Variants in DIAPH3 observed in about 807,000 individuals in gnomAD.
DIAPH3 encodes the protein diaphanous related formin 3.
In DIAPH3, 117 loss-of-function variants were observed where a neutral mutation model predicts 144.3. The ratio of observed to expected loss-of-function variants is 0.81; its 90% CI spans 0.70 to 0.95. The LOEUF (loss-of-function observed/expected upper bound fraction) is 0.95, where lower values mean the gene tolerates loss of function less well. Ranked by LOEUF, DIAPH3 falls within the 40% of genes least tolerant of loss-of-function variation. The pLI is 0.00. For synonymous variants in DIAPH3, 519 were observed against 488.9 expected, an observed-to-expected ratio of 1.06 and a Z score of -0.81; for missense variants, 1,421 against 1,412.7, an observed-to-expected ratio of 1.01 and a Z score of -0.09.
chr13:60,115,859 C>A lies in DIAPH3; in HGVS notation c.214-3673G>T, dbSNP rs941493436. On this transcript the variant is annotated intron_variant, in intron 2 of 27. Transcript: ENST00000400324. ...CTCCAATATATTTCTTTGAAAAAAA[C>A]CTGTGTGTAAGGGGATCTGGGCAGT... is the stretch of plus-strand genomic sequence containing the variant. Among the ~76,000 whole-genome samples, 4 of 151,752 alleles carry A rather than the reference C, an allele frequency of 2.6e-5. No homozygotes were observed. The East Asian group carries it at 5.8e-4, about 22-fold the overall frequency.
chr13:60,099,381 C>T (rs2058198846), intron 3 of DIAPH3, among the ~76,000 whole-genome samples: 1 of 152,186 alleles, frequency 6.6e-6, no homozygotes, highest in African/African-American at 2.4e-5. Flanking sequence ...CACAGATGCA[C>T]ATTTTGTAGA....
intron 17 of DIAPH3, among the ~76,000 whole-genome samples, chr13:59,937,830 A>G (rs1477603022): frequency 6.6e-6 from 1 of 152,118 alleles, no homozygotes. Context: ...ACGGGAAGCA[A>G]AAAAAGAAAG....
intron 27 of DIAPH3, among the ~76,000 whole-genome samples, chr13:59,722,629 C>G (rs1251505755): frequency 6.6e-6 from 1 of 152,116 alleles, no homozygotes; most frequent in Non-Finnish European, 1.5e-5. Flanking sequence ...TACTAAAAGG[C>G]AGAAAGATAG....
chr13:59,932,674 G>C (rs2048078231), intron 17 of DIAPH3, among the ~76,000 whole-genome samples: 1 of 152,060 alleles, frequency 6.6e-6, no homozygotes, highest in African/African-American at 2.4e-5. Flanking sequence ...GCATACTCAG[G>C]ATGGTGAGTA....
intron 17 of DIAPH3, among the ~76,000 whole-genome samples, chr13:59,959,766 T>C (rs376761357): frequency 3.3e-5 from 5 of 152,176 alleles, no homozygotes; most frequent in South Asian, 2.1e-4. Context: ...ACTGGACTTA[T>C]ATAGAATTAG....
At chr13:59,980,741 C>T (rs2050949381) in intron 14 of DIAPH3, 54 bp downstream of exon 14, 1 of 1,471,484 alleles carries the variant, frequency 6.8e-7, no homozygotes, top group African/African-American at 1.4e-5. Context: ...GAGGCAGAAG[C>T]ATGCCTGCAG....
At chr13:59,991,563 T>C (rs981552726) in intron 11 of DIAPH3, among the ~76,000 whole-genome samples, 3 of 151,894 alleles carry the variant, frequency 2.0e-5, no homozygotes, top group African/African-American at 7.2e-5. Flanking sequence ...ATGAATACTG[T>C]GTTGAATTCT....
chr13:59,992,089 T>C lies in DIAPH3; in HGVS notation c.1223A>G (p.Glu408Gly), dbSNP rs567413362. 1 of 1,611,824 alleles carries C rather than the reference T, an allele frequency of 6.2e-7. No homozygotes were observed. The highest frequency in any genetic ancestry group is 2.2e-5 in the East Asian group (1 of 44,682). ...ATATTCAAGTTCAGCTCTAATATCT[T>C]CAAGGCGATGGGATAACTCAAACAA... is the stretch of plus-strand genomic sequence containing the variant. ...EDLFELSHRLEDIRAELDEAY... is the reference protein window; with the variant it reads ...EDLFELSHRLGDIRAELDEAY... The change falls in exon 11 of 28, where the codon GAA (glutamate) becomes GGA (glycine). Residue 408 changes from glutamate to glycine, a missense_variant. Physicochemically the swap from Glu to Gly is moderately conservative, Grantham distance 98 (BLOSUM62 -2). Coordinates refer to ENST00000400324, the MANE Select transcript of DIAPH3 (RefSeq NM_001042517.2).
chr13:59,780,088 T>C (rs1257905845), intron 25 of DIAPH3, among the ~76,000 whole-genome samples: 1 of 151,604 alleles, frequency 6.6e-6, no homozygotes, highest in Non-Finnish European at 1.5e-5. Context: ...GCCAGGATGT[T>C]ACTAGGCACC....
chr13:59,759,254 C>T (rs2037449138), intron 27 of DIAPH3, among the ~76,000 whole-genome samples: 1 of 152,054 alleles, frequency 6.6e-6, no homozygotes, highest in South Asian at 2.1e-4. Flanking sequence ...ACCATATGGG[C>T]CTACAACACA....
chr13:59,822,183 A>G (rs2041107441), intron 24 of DIAPH3, among the ~76,000 whole-genome samples: 1 of 152,170 alleles, frequency 6.6e-6, no homozygotes. Flanking sequence ...TTTTTCCCAA[A>G]GTATAATTTG....
At chr13:59,801,698 G>A (rs1172694496) in intron 25 of DIAPH3, among the ~76,000 whole-genome samples, 1 of 152,102 alleles carries the variant, frequency 6.6e-6, no homozygotes, top group African/African-American at 2.4e-5. Flanking sequence ...CTGTGTTAAG[G>A]CTGCCCTCAT....
intron 27 of DIAPH3, among the ~76,000 whole-genome samples, chr13:59,693,832 A>G (rs1388188458): frequency 6.6e-6 from 1 of 152,186 alleles, no homozygotes; most frequent in Non-Finnish European, 1.5e-5. Flanking sequence ...GATCCTTATA[A>G]TCCTCATTTA....
intron 22 of DIAPH3, among the ~76,000 whole-genome samples, chr13:59,843,229 G>A (rs889314662): frequency 7.2e-5 from 11 of 152,252 alleles, no homozygotes; most frequent in Middle Eastern, 3.4e-3. Flanking sequence ...TCATTGTACC[G>A]TATGGATATA....
At chr13:59,936,753 T>C (rs934886836) in intron 17 of DIAPH3, among the ~76,000 whole-genome samples, 5 of 152,184 alleles carry the variant, frequency 3.3e-5, no homozygotes, top group African/African-American at 1.2e-4. Flanking sequence ...CCATAAATTT[T>C]TATGTGCCCT....
chr13:59,701,518 C>T (rs534261530), intron 27 of DIAPH3, among the ~76,000 whole-genome samples: 2 of 152,182 alleles, frequency 1.3e-5, no homozygotes, highest in African/African-American at 4.8e-5. Flanking sequence ...GTATTCCCAG[C>T]ACGTCATATA....
At position 59,970,966 on chromosome 13, in the gene DIAPH3, G is replaced by A. The variant is rs2050331544; in HGVS notation, c.1845C>T (p.Pro615=). 1.9e-6 allele frequency: 3 copies of A among 1,613,950 alleles called. No individual in the cohort carries two copies. The highest frequency in any genetic ancestry group is 1.7e-5 in the Admixed American group (1 of 60,000). ...PFSGPVPPPP[P]LGFLGGQNSP... ...AATTTTGTCCTCCAAGGAATCCCAG[G>A]GGAGGTGGTGGAGGCACAGGACCAC... Residue 615 remains proline, a synonymous_variant, in exon 16 of 28, where the codon CCC becomes CCT. Transcript: ENST00000400324.
intron 27 of DIAPH3, among the ~76,000 whole-genome samples, chr13:59,735,209 T>A (rs1013965336): frequency 1.1e-4 from 17 of 152,180 alleles, no homozygotes; most frequent in African/African-American, 4.1e-4. Flanking sequence ...TAATTGCATA[T>A]AGAAGACTGG....
At chr13:59,735,683 T>C (rs866800501) in intron 27 of DIAPH3, among the ~76,000 whole-genome samples, 10 of 152,154 alleles carry the variant, frequency 6.6e-5, no homozygotes, top group Non-Finnish European at 8.8e-5. Context: ...GATTTTTTTT[T>C]TCCCCAACTT....
Sources: gnomAD v4.1 joint callset for allele counts (sites outside exome capture counted in the v4.1 genomes callset) on GRCh38, gnomAD v4.1.1 for gene constraint, MANE v1.5 for transcripts, NCBI Gene and HGNC (gene_info 2026-07-23, HGNC 2026-07-21) for gene names.